Variants in SOCS2 observed in about 807,000 individuals in gnomAD.
SOCS2 encodes suppressor of cytokine signaling 2, also known as CIS-2.
Under a neutral mutation model 18.6 loss-of-function variants are expected in SOCS2, and 10 were observed. The observed-to-expected ratio is 0.54, with a 90% CI of 0.33 to 0.91. SOCS2 has a LOEUF of 0.91. Ranked by LOEUF, SOCS2 falls within the 40% of genes least tolerant of loss-of-function variation. The pLI is 0.02. For synonymous variants in SOCS2, 104 were observed against 104.0 expected, an observed-to-expected ratio of 1.00 and a Z score of 0.00; for missense variants, 231 against 247.2, an observed-to-expected ratio of 0.93 and a Z score of 0.44.
At chr12:93,577,492 A>C (rs374719470), downstream of SOCS2, among the ~76,000 whole-genome samples, 1 of 151,834 alleles carries the variant, frequency 6.6e-6, no homozygotes, top group Non-Finnish European at 1.5e-5. Context: ...TTGTGAGTCA[A>C]GAGGCATTCC....
At chr12:93,621,508 A>G in the SOCS2 span, among the ~76,000 whole-genome samples, 2 of 152,114 alleles carry the variant, frequency 1.3e-5, no homozygotes, top group Non-Finnish European at 2.9e-5. Flanking sequence ...TTTGAGACAG[A>G]GTCTCACTCT....
rs1162478813 is a variant in SOCS2 at position 93,575,518 on chromosome 12, T to C, written c.*339T>C. On this transcript the variant is annotated 3_prime_UTR_variant, in exon 2 of 2. Transcript: ENST00000551556. ...TTTCCATTATGTCAAAGGTCCAGGC[T>C]CCAGTAGGAGAGAAAGAACTCCTCA... The C allele has an allele frequency of 6.1e-6, 1 of 162,726 alleles. No individual in the cohort carries two copies. Among genetic ancestry groups the C allele is most frequent in the Non-Finnish European group, 1.4e-5 (1 of 73,906 alleles). The allele number at this position is 162,726 out of a possible 1,614,324, so 10.1% of individuals were successfully genotyped here.
At position 93,572,750 on chromosome 12, in the gene SOCS2, G is replaced by A. The variant is rs1954301399; in HGVS notation, c.-148G>A. ...CCGTCCTCCAGGATCTGGGGAGAAAGAGCCCCATCCCTTCTCTCTCTGCCA... is the reference window on the plus strand; with the variant it reads ...CCGTCCTCCAGGATCTGGGGAGAAAAAGCCCCATCCCTTCTCTCTCTGCCA... On this transcript the variant is annotated 5_prime_UTR_variant, in exon 1 of 2. Transcript: ENST00000551556. This position sits in a 1 kb window ranked among gnomAD's most constrained non-coding sequence, Gnocchi z 5.0. 1 of 1,007,270 alleles carries A rather than the reference G, an allele frequency of 9.9e-7. No homozygotes were observed. Among genetic ancestry groups the A allele is most frequent in the South Asian group, 1.4e-5 (1 of 72,738 alleles). 62.4% of individuals were successfully genotyped at this position (1,007,270 alleles called of 1,614,324 possible).
At chr12:93,583,764 A>C (rs1271109723), downstream of SOCS2, among the ~76,000 whole-genome samples, 1 of 152,224 alleles carries the variant, frequency 6.6e-6, no homozygotes, top group Non-Finnish European at 1.5e-5. Flanking sequence ...GACTGAAAAA[A>C]GCTAGAACAT....
At chr12:93,580,091 C>T (rs1018299101), downstream of SOCS2, among the ~76,000 whole-genome samples, 1 of 152,210 alleles carries the variant, frequency 6.6e-6, no homozygotes, top group Non-Finnish European at 1.5e-5. Flanking sequence ...CCTGTCTCAG[C>T]ATAAATGCCA....
At chr12:93,613,070 C>T in the SOCS2 span, among the ~76,000 whole-genome samples, 1 of 152,210 alleles carries the variant, frequency 6.6e-6, no homozygotes, top group East Asian at 1.9e-4. Context: ...AACTCCGGCA[C>T]TTCTTTCTAT....
At chr12:93,608,170 G>T in the SOCS2 span, among the ~76,000 whole-genome samples, 6 of 145,566 alleles carry the variant, frequency 4.1e-5, no homozygotes, top group African/African-American at 1.3e-4. Context: ...TTGTTTTTTG[G>T]TTTTTTTTTT....
At chr12:93,624,497 G>A in the SOCS2 span, among the ~76,000 whole-genome samples, 1 of 151,980 alleles carries the variant, frequency 6.6e-6, no homozygotes, top group African/African-American at 2.4e-5. Flanking sequence ...ACTTGAATCC[G>A]GGAGGCGGAG....
At chr12:93,591,134 G>T in the SOCS2 span, among the ~76,000 whole-genome samples, 1 of 151,746 alleles carries the variant, frequency 6.6e-6, no homozygotes, top group African/African-American at 2.4e-5. Context: ...AAGTAGTTAC[G>T]TTACAGACCT....
the SOCS2 span, among the ~76,000 whole-genome samples, chr12:93,616,246 G>T: frequency 4.7e-3 from 716 of 152,308 alleles, 4 homozygotes; most frequent in Non-Finnish European, 7.1e-3. Flanking sequence ...CTCCATTGGG[G>T]TTGCTGAGAG....
chr12:93,595,522 G>A, the SOCS2 span, among the ~76,000 whole-genome samples: 1 of 152,178 alleles, frequency 6.6e-6, no homozygotes, highest in Non-Finnish European at 1.5e-5. Flanking sequence ...CCCTAGAGCT[G>A]GAATGCTTTT....
the SOCS2 span, among the ~76,000 whole-genome samples, chr12:93,614,697 C>A: frequency 1.3e-5 from 2 of 148,730 alleles, no homozygotes; most frequent in Admixed American, 1.4e-4. Flanking sequence ...CCCACTGCTA[C>A]CTCTGCCTCC....
the SOCS2 span, among the ~76,000 whole-genome samples, chr12:93,614,478 C>CCTTCCTTCCTTCCTTTCTTT: frequency 2.0e-5 from 1 of 49,422 alleles, no homozygotes; most frequent in African/African-American, 1.4e-4. Context: ...TTCCTTCCTT[C>CCTTCCTTCCTTCCTTTCTTT]CTTTCCTTCC....
At chr12:93,577,462 T>C (rs1160033382), downstream of SOCS2, among the ~76,000 whole-genome samples, 1 of 152,232 alleles carries the variant, frequency 6.6e-6, no homozygotes, top group East Asian at 1.9e-4. Context: ...ACAATGATGA[T>C]AGGAGGTTCC....
chr12:93,614,540 C>CTTCTCTTTCTTTCT, the SOCS2 span, among the ~76,000 whole-genome samples: 1 of 37,132 alleles, frequency 2.7e-5, no homozygotes, highest in Admixed American at 3.4e-4. Context: ...TCCTTCCTTC[C>CTTCTCTTTCTTTCT]TTCTTTCTTT....
At chr12:93,577,121 TCA>T (rs1954477763), downstream of SOCS2, among the ~76,000 whole-genome samples, 1 of 152,208 alleles carries the variant, frequency 6.6e-6, no homozygotes, top group South Asian at 2.1e-4. Flanking sequence ...ACTCTATTTC[TCA>T]GTTACTGGGA....
chr12:93,593,300 G>T, the SOCS2 span, among the ~76,000 whole-genome samples: 1 of 152,086 alleles, frequency 6.6e-6, no homozygotes, highest in Non-Finnish European at 1.5e-5. Flanking sequence ...AAAGCTCTCC[G>T]CCTACTCAGA....
the SOCS2 span, among the ~76,000 whole-genome samples, chr12:93,593,379 G>T: frequency 6.6e-6 from 1 of 152,146 alleles, no homozygotes; most frequent in Non-Finnish European, 1.5e-5. Context: ...TTTAAGAAAA[G>T]CAAACAAATA....
downstream of SOCS2, among the ~76,000 whole-genome samples, chr12:93,585,638 A>G (rs2136716897): frequency 6.6e-6 from 1 of 152,320 alleles, no homozygotes; most frequent in Admixed American, 6.5e-5. Context: ...TTTATAGAAC[A>G]TGTATAGCCT....
Sources: allele counts gnomAD v4.1 joint callset (sites outside exome capture counted in the v4.1 genomes callset), GRCh38; gene constraint gnomAD v4.1.1; non-coding constraint Gnocchi (gnomAD v3.1); transcripts MANE v1.5; gene names NCBI Gene and HGNC (gene_info 2026-07-23, HGNC 2026-07-21).